Variants in LRRC37A observed in about 807,000 individuals in gnomAD.
The protein encoded by LRRC37A is leucine-rich repeat-containing protein 37A.
In LRRC37A, 3 loss-of-function variants were observed where a neutral mutation model predicts 35.4. That is an observed-to-expected ratio of 0.08 (90% CI 0.04 to 0.22). The LOEUF (loss-of-function observed/expected upper bound fraction) is 0.22, where lower values mean the gene tolerates loss of function less well. Among genes scored for constraint, LRRC37A ranks in the 10% least tolerant of loss-of-function variants. LRRC37A has a pLI of 1.00. For synonymous variants in LRRC37A, 23 were observed against 215.0 expected, an observed-to-expected ratio of 0.11 and a Z score of 7.81; for missense variants, 67 against 565.3, an observed-to-expected ratio of 0.12 and a Z score of 8.94.
the LRRC37A span, among the ~76,000 whole-genome samples, chr17:46,262,801 AG>A: frequency 6.0e-4 from 87 of 146,094 alleles, 2 homozygotes; most frequent in Admixed American, 3.3e-3. Flanking sequence ...AAAAAAAAAA[AG>A]AAAAGAAAAG....
chr17:46,254,634 T>C, the LRRC37A span, among the ~76,000 whole-genome samples: 1 of 151,494 alleles, frequency 6.6e-6, no homozygotes, highest in South Asian at 2.1e-4. Context: ...CTCCACCTCC[T>C]GGGTTGAAGC....
At chr17:46,294,186 C>T (rs1243646138), upstream of LRRC37A, among the ~76,000 whole-genome samples, 3 of 76,508 alleles carry the variant, frequency 3.9e-5, 1 homozygote, top group African/African-American at 9.3e-5. Flanking sequence ...CACCCGGCCC[C>T]CCTTCAATTT....
the LRRC37A span, among the ~76,000 whole-genome samples, chr17:46,278,394 T>G: frequency 4.9e-5 from 7 of 143,220 alleles, no homozygotes; most frequent in Admixed American, 2.8e-4. Flanking sequence ...CTGTTTTGTT[T>G]TATTTTGTTT....
chr17:46,271,072 C>T, the LRRC37A span, among the ~76,000 whole-genome samples: 5 of 152,148 alleles, frequency 3.3e-5, no homozygotes, highest in East Asian at 9.7e-4. Flanking sequence ...TGGCTCTTCC[C>T]TCCACCTCCT....
At chr17:46,283,648 G>A in the LRRC37A span, among the ~76,000 whole-genome samples, 1 of 152,336 alleles carries the variant, frequency 6.6e-6, no homozygotes, top group Non-Finnish European at 1.5e-5. Context: ...ACCTGTGGGT[G>A]TTTCTCGTTA....
chr17:46,278,427 T>G, the LRRC37A span, among the ~76,000 whole-genome samples: 1,655 of 151,430 alleles, frequency 0.011, 31 homozygotes, highest in African/African-American at 0.039. Flanking sequence ...TGTTTTAAGA[T>G]GGAGTCTTGC....
At chr17:46,314,481 CAG>C (rs2050962093) in intron 5 of LRRC37A, among the ~76,000 whole-genome samples, 1 of 81,660 alleles carries the variant, frequency 1.2e-5, no homozygotes, top group Non-Finnish European at 3.6e-5. Flanking sequence ...GCCTGGGCAA[CAG>C]AGTGAGACTC....
chr17:46,291,601 T>G (rs916668637), upstream of LRRC37A, among the ~76,000 whole-genome samples: 1 of 151,630 alleles, frequency 6.6e-6, no homozygotes, highest in African/African-American at 2.4e-5. Context: ...TTCAAATGTT[T>G]GAAAATGAAA....
chr17:46,256,852 C>A, the LRRC37A span, among the ~76,000 whole-genome samples: 25 of 152,204 alleles, frequency 1.6e-4, no homozygotes, highest in Admixed American at 6.5e-4. Flanking sequence ...CTATGAGGCA[C>A]AGAACCCTTC....
the LRRC37A span, among the ~76,000 whole-genome samples, chr17:46,261,747 A>G: frequency 2.5e-4 from 30 of 120,910 alleles, no homozygotes; most frequent in African/African-American, 4.6e-4. Flanking sequence ...AAAAAAAAAA[A>G]AAGAAGAAGA....
chr17:46,276,272 A>T, the LRRC37A span, among the ~76,000 whole-genome samples: 3 of 152,386 alleles, frequency 2.0e-5, no homozygotes, highest in South Asian at 6.2e-4. Flanking sequence ...TAGCAGATAA[A>T]TTTATATTGC....
rs2051216920 is a variant in LRRC37A, at chr17:46,317,411, C to T, written c.2907-4911C>T. Among the ~76,000 whole-genome samples, 4 of 71,696 alleles carry T rather than the reference C, an allele frequency of 5.6e-5. 2 individuals are homozygous for T. In the East Asian group the frequency reaches 1.1e-3, roughly 19 times the overall value. 47.0% of individuals were successfully genotyped at this position (71,696 alleles called of 152,430 possible). A position where few individuals can be genotyped will look rare whatever the true frequency, so the allele number is the denominator to read the frequency against. ...GTGATGAGTTGCTTTTCTCTTGCTG[C>T]TTTCAAGATATTCTGTCTTTGGCTT... is the stretch of plus-strand genomic sequence containing the variant. On this transcript the variant is annotated intron_variant, in intron 5 of 13. Transcript: ENST00000320254.
chr17:46,323,641 C>A (rs1274876254), intron 7 of LRRC37A, among the ~76,000 whole-genome samples: 1 of 99,944 alleles, frequency 1.0e-5, no homozygotes, highest in Non-Finnish European at 2.3e-5. Flanking sequence ...AAGTGATCCG[C>A]CTGCCTCAGC....
rs1212744901 is a variant in LRRC37A at position 46,314,524 on chromosome 17, C to T, written c.2907-7798C>T. On this transcript the variant is annotated intron_variant, in intron 5 of 13. Transcript: ENST00000320254. The stretch of plus-strand genomic sequence containing the variant: ...GAGACGGGGTTTCAGCACGTTTATC[C>T]GTTTATCAGGCTGCTCTCGAACTCC... 2.5e-5 allele frequency among the ~76,000 whole-genome samples: 2 copies of T among 79,170 alleles called. 1 individual carries two copies. The highest frequency in any genetic ancestry group is 6.4e-5 in the African/African-American group (2 of 31,122). The allele number at this position is 79,170 out of a possible 152,430, so 51.9% of individuals were successfully genotyped here.
the LRRC37A span, among the ~76,000 whole-genome samples, chr17:46,283,166 A>G: frequency 6.6e-6 from 1 of 152,206 alleles, no homozygotes; most frequent in Admixed American, 6.5e-5. Context: ...ACTGTAATAG[A>G]TACTATCAAT....
At chr17:46,283,688 GAC>G in the LRRC37A span, among the ~76,000 whole-genome samples, 178 of 152,296 alleles carry the variant, frequency 1.2e-3, 3 homozygotes, top group African/African-American at 4.0e-3. Flanking sequence ...AAAAGAAAAA[GAC>G]ACAGAGACAA....
chr17:46,277,050 C>G, the LRRC37A span, among the ~76,000 whole-genome samples: 1 of 152,214 alleles, frequency 6.6e-6, no homozygotes, highest in African/African-American at 2.4e-5. Flanking sequence ...AGTGAGCTGC[C>G]TGCCTTGGCT....
chr17:46,252,331 A>C, the LRRC37A span, among the ~76,000 whole-genome samples: 2 of 147,632 alleles, frequency 1.4e-5, no homozygotes, highest in African/African-American at 4.9e-5. Context: ...CAGCCTCCCA[A>C]GTAGCTGGAA....
At chr17:46,279,409 CCCGACCTCAGGTGAT>C in the LRRC37A span, among the ~76,000 whole-genome samples, 11 of 151,780 alleles carry the variant, frequency 7.2e-5, no homozygotes, top group Non-Finnish European at 1.5e-4. Context: ...GTCTTGAACT[CCCGACCTCAGGTGAT>C]CCATCCACCT....
Sources: gnomAD v4.1 joint callset for allele counts (sites outside exome capture counted in the v4.1 genomes callset) on GRCh38, gnomAD v4.1.1 for gene constraint, MANE v1.5 for transcripts, NCBI Gene and HGNC (gene_info 2026-07-23, HGNC 2026-07-21) for gene names.